The following NAALADL2 variants were observed in gnomAD, a reference collection of about 807,000 sequenced individuals.
NAALADL2 encodes N-acetylated alpha-linked acidic dipeptidase like 2.
A neutral mutation model predicts 87.2 loss-of-function variants in NAALADL2; 76 were observed. The observed-to-expected ratio is 0.87, with a 90% confidence interval of 0.72 to 1.05. The LOEUF (loss-of-function observed/expected upper bound fraction) is 1.05, where lower values mean the gene tolerates loss of function less well. NAALADL2 is among the 50% of genes least tolerant of loss of function. The pLI is 0.00. For synonymous variants in NAALADL2, 354 were observed against 331.0 expected (o/e 1.07, Z -0.75); for missense variants, 1,089 against 945.8 (o/e 1.15, Z -1.99).
At chr3:174,988,876 A>G (rs1746336306) in intron 1 of NAALADL2, among the ~76,000 whole-genome samples, 2 of 152,192 alleles carry the variant, frequency 1.3e-5, no homozygotes, top group Non-Finnish European at 2.9e-5. Flanking sequence ...GTTGCTATAA[A>G]AACTACCTGA....
chr3:174,967,035 A>G (rs1347784731), intron 1 of NAALADL2, among the ~76,000 whole-genome samples: 2 of 152,214 alleles, frequency 1.3e-5, no homozygotes, highest in South Asian at 2.1e-4. Flanking sequence ...AAGATAGACA[A>G]TAGTGCTATT....
chr3:175,546,149 T>C (rs6762529), intron 9 of NAALADL2, among the ~76,000 whole-genome samples: 99,711 of 151,972 alleles, frequency 0.66, 33,556 homozygotes, highest in East Asian at 0.87. Context: ...AAGAAAAGAC[T>C]TCATTGTCTT....
chr3:175,795,711 A>G (rs1172485017), intron 13 of NAALADL2, among the ~76,000 whole-genome samples: 1 of 150,294 alleles, frequency 6.7e-6, no homozygotes, highest in African/African-American at 2.5e-5. Flanking sequence ...ATAAAATAAA[A>G]TAAATAAAAA....
rs144574153 is a variant in NAALADL2 at position 175,017,489 on chromosome 3, C to T, written c.44-79301C>T. 8.3e-4 allele frequency among the ~76,000 whole-genome samples: 127 copies of T among 152,118 alleles called. 1 individual carries two copies. The highest frequency in any genetic ancestry group is 2.8e-3 in the African/African-American group (116 of 41,534). On this transcript the variant is annotated intron_variant, in intron 1 of 13. Coordinates refer to ENST00000454872, the MANE Select transcript of NAALADL2 (RefSeq NM_207015.3). Reference sequence around the variant, plus strand: ...AGGGAGAAGGTCATACAATTCTGTACGTACAAGGAATCCTTCTTCCTGGAA... The same window carrying T: ...AGGGAGAAGGTCATACAATTCTGTATGTACAAGGAATCCTTCTTCCTGGAA...
chr3:175,203,003 G>C (rs1740284434), intron 2 of NAALADL2, among the ~76,000 whole-genome samples: 1 of 151,982 alleles, frequency 6.6e-6, no homozygotes, highest in African/African-American at 2.4e-5. Flanking sequence ...CCCCAAGTCT[G>C]TTTCCAGGTG....
At chr3:174,812,140 C>G (rs1212657308) in intron 3 of NAALADL2, among the ~76,000 whole-genome samples, 2 of 152,188 alleles carry the variant, frequency 1.3e-5, no homozygotes, top group African/African-American at 2.4e-5. Flanking sequence ...TACACAGTCT[C>G]AGTGTTTTTT....
At chr3:175,465,445 C>T (rs1033601183) in intron 7 of NAALADL2, among the ~76,000 whole-genome samples, 1 of 149,292 alleles carries the variant, frequency 6.7e-6, no homozygotes, top group Non-Finnish European at 1.5e-5. Flanking sequence ...CAGACACACT[C>T]TCACACTATG....
chr3:174,586,203 A>T (rs910291242), intron 2 of NAALADL2, among the ~76,000 whole-genome samples: 1 of 152,226 alleles, frequency 6.6e-6, no homozygotes. Context: ...TTTGTGTGCT[A>T]GGCACCATAC....
chr3:174,907,661 A>G (rs1733138237), intron 1 of NAALADL2, among the ~76,000 whole-genome samples: 1 of 152,086 alleles, frequency 6.6e-6, no homozygotes, highest in South Asian at 2.1e-4. Context: ...CTTTTCTATG[A>G]TGACATCACA....
At chr3:175,625,447 G>A (rs575941444) in intron 10 of NAALADL2, among the ~76,000 whole-genome samples, 1 of 151,996 alleles carries the variant, frequency 6.6e-6, no homozygotes, top group African/African-American at 2.4e-5. Context: ...TGCGAGAAGT[G>A]CACATGGGAC....
chr3:175,228,525 G>T (rs1234101856), intron 2 of NAALADL2, among the ~76,000 whole-genome samples: 1 of 151,112 alleles, frequency 6.6e-6, no homozygotes. Flanking sequence ...AAAAAAAAAA[G>T]TACTATGGCA....
intron 11 of NAALADL2, among the ~76,000 whole-genome samples, chr3:175,700,567 A>AT (rs905174481): frequency 6.6e-6 from 1 of 152,028 alleles, no homozygotes; most frequent in African/African-American, 2.4e-5. Flanking sequence ...TATATATGAC[A>AT]TTTTTTTAAA....
chr3:175,399,463 G>A (rs1277519102), intron 5 of NAALADL2, among the ~76,000 whole-genome samples: 1 of 152,166 alleles, frequency 6.6e-6, no homozygotes, highest in African/African-American at 2.4e-5. Flanking sequence ...GCTGCTGGTT[G>A]ACCATTTTTA....
intron 3 of NAALADL2, among the ~76,000 whole-genome samples, chr3:175,240,865 G>A (rs967685608): frequency 8.5e-5 from 13 of 152,080 alleles, no homozygotes; most frequent in African/African-American, 3.1e-4. Context: ...ATGTTGGTCA[G>A]GCTGGTCTCG....
chr3:175,021,317 C>T (rs1235591336), intron 1 of NAALADL2, among the ~76,000 whole-genome samples: 1 of 151,972 alleles, frequency 6.6e-6, no homozygotes, highest in African/African-American at 2.4e-5. Context: ...TTTCTAGTAC[C>T]TGTATAGTAC....
At chr3:175,292,586 G>T (rs1190445413) in intron 4 of NAALADL2, among the ~76,000 whole-genome samples, 2 of 85,376 alleles carry the variant, frequency 2.3e-5, no homozygotes, top group Non-Finnish European at 4.7e-5. Context: ...CTGATTGTGA[G>T]TTGGGATACA....
chr3:175,611,075 C>T (rs1439972318), intron 10 of NAALADL2, among the ~76,000 whole-genome samples: 1 of 151,982 alleles, frequency 6.6e-6, no homozygotes, highest in African/African-American at 2.4e-5. Context: ...AATTTAAACC[C>T]AGGCCCCAGA....
At chr3:175,314,041 C>G (rs1019978462) in intron 4 of NAALADL2, among the ~76,000 whole-genome samples, 2 of 145,322 alleles carry the variant, frequency 1.4e-5, no homozygotes, top group South Asian at 2.2e-4. Flanking sequence ...CCACTGCACT[C>G]CAGCCTGGGC....
intron 1 of NAALADL2, among the ~76,000 whole-genome samples, chr3:174,971,410 T>C (rs1014818919): frequency 4.6e-5 from 7 of 152,244 alleles, no homozygotes; most frequent in African/African-American, 1.4e-4. Flanking sequence ...CAAAATAAGT[T>C]CCCTTCTTCA....
Sources: gnomAD v4.1 joint callset for allele counts (sites outside exome capture counted in the v4.1 genomes callset) on GRCh38, gnomAD v4.1.1 for gene constraint, MANE v1.5 for transcripts, NCBI Gene and HGNC (gene_info 2026-07-23, HGNC 2026-07-21) for gene names.